The following SH3GL3 variants were observed in gnomAD, a reference collection of about 807,000 sequenced individuals.
The protein encoded by SH3GL3 is SH3 domain containing GRB2 like 3, endophilin A3.
SH3GL3 carries 33 observed loss-of-function variants against 47.7 expected under a neutral mutation model. The observed-to-expected ratio is 0.69, with a 90% CI of 0.52 to 0.92. The LOEUF (loss-of-function observed/expected upper bound fraction) is 0.92, where lower values mean the gene tolerates loss of function less well. Ranked by LOEUF, SH3GL3 falls within the 40% of genes least tolerant of loss-of-function variation. The probability of loss-of-function intolerance (pLI) is 0.00; values close to 1 mark genes in which losing one functional copy is unlikely to be tolerated. For missense variants in SH3GL3, 363 were observed against 417.8 expected (o/e 0.87, Z 1.14); for synonymous variants, 155 against 148.8 (o/e 1.04, Z -0.30).
In SH3GL3 at chr15:83,612,783, C is replaced by T. The variant is rs959144001; in HGVS notation, c.839-5299C>T. On this transcript the variant is annotated intron_variant, in intron 8 of 8. Coordinates refer to ENST00000427482, the MANE Select transcript of SH3GL3 (RefSeq NM_003027.5). ...GGATGGCAGGAAACAGCTCCTCCCTCTCCATGGCTTGTAATCAAAATGCTA... is the reference window on the plus strand; with the variant it reads ...GGATGGCAGGAAACAGCTCCTCCCTTTCCATGGCTTGTAATCAAAATGCTA... 3.3e-5 allele frequency among the ~76,000 whole-genome samples: 5 copies of T among 152,192 alleles called. No individual in the cohort carries two copies. In the South Asian group the frequency reaches 6.2e-4, roughly 19 times the overall value.
At chr15:83,536,209 A>C (rs768564318) in intron 1 of SH3GL3, among the ~76,000 whole-genome samples, 2 of 152,138 alleles carry the variant, frequency 1.3e-5, no homozygotes, top group Non-Finnish European at 2.9e-5. Flanking sequence ...AATCATTTGC[A>C]GGAAGCCCAA....
At chr15:83,513,864 T>C (rs1416232402) in intron 1 of SH3GL3, among the ~76,000 whole-genome samples, 1 of 152,208 alleles carries the variant, frequency 6.6e-6, no homozygotes, top group African/African-American at 2.4e-5. Context: ...AAATGAATGC[T>C]TATGGGATAT....
At chr15:83,571,484 A>C (rs544620240) in intron 4 of SH3GL3, among the ~76,000 whole-genome samples, 2 of 152,244 alleles carry the variant, frequency 1.3e-5, no homozygotes, top group South Asian at 4.2e-4. Flanking sequence ...AGGAGGAATG[A>C]AGCTACCACT....
At chr15:83,504,707 G>T (rs1191714090) in intron 1 of SH3GL3, among the ~76,000 whole-genome samples, 2 of 152,160 alleles carry the variant, frequency 1.3e-5, no homozygotes, top group African/African-American at 2.4e-5. Context: ...TGCAGCCCTG[G>T]CCCACAGCTT....
At chr15:83,528,250 T>G (rs928656479) in intron 1 of SH3GL3, among the ~76,000 whole-genome samples, 1 of 152,218 alleles carries the variant, frequency 6.6e-6, no homozygotes, top group African/African-American at 2.4e-5. Context: ...ATCTTTGGCT[T>G]TTGACAGTAT....
downstream of SH3GL3, among the ~76,000 whole-genome samples, chr15:83,622,870 C>A (rs2060918749): frequency 1.3e-5 from 2 of 152,216 alleles, no homozygotes; most frequent in Middle Eastern, 3.2e-3. Context: ...TCCTACTGGC[C>A]TCCTCTCCCT....
intron 1 of SH3GL3, among the ~76,000 whole-genome samples, chr15:83,460,857 G>A (rs2040259171): frequency 6.6e-6 from 1 of 152,098 alleles, no homozygotes; most frequent in Non-Finnish European, 1.5e-5. Context: ...GGCCGTGGCA[G>A]GCAGATCCCG....
At chr15:83,482,966 A>T (rs2041433963) in intron 1 of SH3GL3, among the ~76,000 whole-genome samples, 1 of 152,220 alleles carries the variant, frequency 6.6e-6, no homozygotes, top group Non-Finnish European at 1.5e-5. Flanking sequence ...GGGCAATGCC[A>T]TCAAGAATCC....
intron 1 of SH3GL3, among the ~76,000 whole-genome samples, chr15:83,548,264 T>G (rs1369722593): frequency 2.0e-5 from 3 of 151,618 alleles, no homozygotes; most frequent in Non-Finnish European, 1.5e-5. Flanking sequence ...GATTTATCTT[T>G]CTGGAGCTCT....
At chr15:83,572,907 G>A (rs969185395) in intron 5 of SH3GL3, among the ~76,000 whole-genome samples, 1 of 152,176 alleles carries the variant, frequency 6.6e-6, no homozygotes, top group African/African-American at 2.4e-5. Context: ...GCAGGATAAT[G>A]GGAGGGAATG....
intron 8 of SH3GL3, among the ~76,000 whole-genome samples, chr15:83,589,627 T>A (rs2730093): frequency 0.011 from 1,642 of 152,360 alleles, 22 homozygotes; most frequent in Non-Finnish European, 0.017. Context: ...TCCTTCTGCC[T>A]CGGCCTTCTG....
chr15:83,481,552 G>A (rs1486752226), intron 1 of SH3GL3, among the ~76,000 whole-genome samples: 1 of 152,110 alleles, frequency 6.6e-6, no homozygotes, highest in Non-Finnish European at 1.5e-5. Flanking sequence ...ATTAAAGCAG[G>A]CAAAAATATT....
At chr15:83,508,242 G>T (rs1174545930) in intron 1 of SH3GL3, among the ~76,000 whole-genome samples, 1 of 151,822 alleles carries the variant, frequency 6.6e-6, no homozygotes, top group Non-Finnish European at 1.5e-5. Flanking sequence ...GCCCAGCCCA[G>T]GCACAATTTT....
chr15:83,516,874 G>A (rs756282533), intron 1 of SH3GL3, among the ~76,000 whole-genome samples: 4 of 151,990 alleles, frequency 2.6e-5, no homozygotes, highest in East Asian at 1.9e-4. Context: ...GGGCCATATC[G>A]TATCTTTTGT....
intron 8 of SH3GL3, among the ~76,000 whole-genome samples, chr15:83,603,036 G>T (rs2060427471): frequency 6.6e-6 from 1 of 151,684 alleles, no homozygotes; most frequent in Non-Finnish European, 1.5e-5. Flanking sequence ...GTCTTGCCCT[G>T]TTGCCCAGGC....
Position 83,447,956 on chromosome 15 carries a change from C to G in SH3GL3, c.45+378C>G, listed in dbSNP as rs548253223. 2.6e-5 allele frequency among the ~76,000 whole-genome samples: 4 copies of G among 152,272 alleles called. No homozygotes were observed. The South Asian group carries it at 8.3e-4, about 32-fold the overall frequency. ...GATGCCGGCAGGGCCTCCCCCGAGT[C>G]TCCAGCCGTTTGGTTGGGAGAGCCT... On this transcript the variant is annotated intron_variant, in intron 1 of 8. Coordinates refer to ENST00000427482, the MANE Select transcript of SH3GL3 (RefSeq NM_003027.5). The surrounding 1 kb of genome is among the most constrained non-coding windows in gnomAD (Gnocchi z 5.1).
At chr15:83,509,544 T>C (rs1169919720) in intron 1 of SH3GL3, among the ~76,000 whole-genome samples, 2 of 152,218 alleles carry the variant, frequency 1.3e-5, no homozygotes, top group African/African-American at 4.8e-5. Context: ...AGACTTCATA[T>C]GTCAAATCCA....
At chr15:83,500,666 C>G (rs751102316) in intron 1 of SH3GL3, among the ~76,000 whole-genome samples, 4 of 152,220 alleles carry the variant, frequency 2.6e-5, no homozygotes, top group Non-Finnish European at 5.9e-5. Flanking sequence ...TGGCACTGGG[C>G]AGATCAATTT....
intron 1 of SH3GL3, among the ~76,000 whole-genome samples, chr15:83,495,981 A>AG (rs1555482205): frequency 6.6e-6 from 1 of 151,906 alleles, no homozygotes; most frequent in African/African-American, 2.4e-5. Context: ...TAAAAAAAAA[A>AG]GGAGCGGGGA....
Sources: gnomAD v4.1 joint callset for allele counts (sites outside exome capture counted in the v4.1 genomes callset) on GRCh38, gnomAD v4.1.1 for gene constraint, Gnocchi (gnomAD v3.1) non-coding constraint, MANE v1.5 for transcripts, NCBI Gene and HGNC (gene_info 2026-07-23, HGNC 2026-07-21) for gene names.